LIPE: variants seen among roughly 807,000 people sequenced by gnomAD.
The protein encoded by LIPE is hormone-sensitive lipase.
In LIPE, 66 loss-of-function variants were observed where a neutral mutation model predicts 88.5. The ratio of observed to expected loss-of-function variants is 0.75; its 90% CI spans 0.61 to 0.91. The LOEUF (loss-of-function observed/expected upper bound fraction) is 0.91. LIPE is among the 40% of genes least tolerant of loss of function. The pLI is 0.00. For missense variants in LIPE, 1,346 were observed against 1,434.7 expected, an observed-to-expected ratio of 0.94 and a Z score of 1.00; for synonymous variants, 570 against 617.5, an observed-to-expected ratio of 0.92 and a Z score of 1.14.
At position 42,427,243 on chromosome 19, in the gene LIPE, C is replaced by A; in HGVS notation, c.-94G>T. 6.9e-7 allele frequency: 1 copy of A among 1,457,864 alleles called. No homozygotes were observed. Among genetic ancestry groups the A allele is most frequent in the Admixed American group, 2.8e-5 (1 of 36,360 alleles). 90.3% of individuals were successfully genotyped at this position (1,457,864 alleles called of 1,614,324 possible). On this transcript the variant is annotated 5_prime_UTR_variant, in exon 1 of 10. In the 5' UTR this introduces an upstream ATG that the reference lacks. Coordinates refer to ENST00000244289, the MANE Select transcript of LIPE (RefSeq NM_005357.4). ...CTCTTCACAGATCTCTCATTGATTC[C>A]TCATGATGGCACTTCCTCTTGGGTT...
rs1179032962 is a variant in LIPE, at chr19:42,414,276, AGAAAG to A, written c.884-3439_884-3435del. 1.3e-5 allele frequency among the ~76,000 whole-genome samples: 2 copies of A among 152,150 alleles called. No homozygotes were observed. The highest frequency in any genetic ancestry group is 2.4e-5 in the African/African-American group (1 of 41,440). ...CGATAAAGCGAGACTCTGTCAGAAA[AGAAAG>A]GAAAGAAAGAAAGGAAAGGAAGGAA... On this transcript the variant is annotated intron_variant, in intron 1 of 9. Transcript: ENST00000244289. The surrounding 1 kb of genome is among the most constrained non-coding windows in gnomAD (Gnocchi z 4.6).
In LIPE at chr19:42,426,859, T is replaced by C. The variant is rs1215565496; in HGVS notation, c.291A>G (p.Gln97=). 1 of 1,614,180 alleles carries C rather than the reference T, an allele frequency of 6.2e-7. No homozygotes were observed. Among genetic ancestry groups the C allele is most frequent in the Non-Finnish European group, 8.5e-7 (1 of 1,180,032 alleles). ...FLAPQKPAPQ[Q]SPYIQRVLLT... is the part of the protein sequence containing the mutation. ...GCAGCACCCTTTGGATGTAAGGTGA[T>C]TGCTGTGGTGCGGGCTTCTGTGGGG... is the stretch of plus-strand genomic sequence containing the variant. The change falls in exon 1 of 10, where the codon CAA becomes CAG. Residue 97 remains glutamine, a synonymous_variant. Transcript: ENST00000244289.
chr19:42,425,453 A>C (rs2040690219), intron 1 of LIPE, among the ~76,000 whole-genome samples: 1 of 152,052 alleles, frequency 6.6e-6, no homozygotes, highest in African/African-American at 2.4e-5. Flanking sequence ...CCACTTCCTA[A>C]CTGCATGGCC....
At chr19:42,412,685 C>T (rs1172473929) in intron 1 of LIPE, 1 of 466,562 alleles carries the variant, frequency 2.1e-6, no homozygotes, top group Non-Finnish European at 2.8e-6. Context: ...GCCCCCAGCC[C>T]CTTCATCCTT....
chr19:42,413,985 T>G (rs2040437390), intron 1 of LIPE, among the ~76,000 whole-genome samples: 1 of 152,002 alleles, frequency 6.6e-6, no homozygotes, highest in South Asian at 2.1e-4. Flanking sequence ...GCTGTGAAAA[T>G]GGGACGATGT....
intron 1 of LIPE, among the ~76,000 whole-genome samples, chr19:42,421,756 T>C (rs2040602860): frequency 6.6e-6 from 1 of 152,224 alleles, no homozygotes; most frequent in African/African-American, 2.4e-5. Flanking sequence ...CTAAGGACAC[T>C]AGCCTCATCC....
At position 42,405,976 on chromosome 19, in the gene LIPE, TCACACACA is replaced by T. The variant is rs57282318; in HGVS notation, c.2365+177_2365+184del. On this transcript the variant is annotated intron_variant, in intron 7 of 9. Coordinates refer to ENST00000244289, the MANE Select transcript of LIPE (RefSeq NM_005357.4). Reference sequence around the variant, plus strand: ...GTGTCTGTCTGTCTCTCTCTCTCTCTCACACACACACACACACACACACACACACACAC... The same window carrying T: ...GTGTCTGTCTGTCTCTCTCTCTCTCTCACACACACACACACACACACACAC... 1,173 of 418,314 alleles carry T rather than the reference TCACACACA, an allele frequency of 2.8e-3. 4 individuals are homozygous for T. The highest frequency in any genetic ancestry group is 0.012 in the Middle Eastern group (18 of 1,448). The allele number at this position is 418,314 out of a possible 1,614,324, so 25.9% of individuals were successfully genotyped here.
chr19:42,410,388 G>A lies in LIPE; in HGVS notation c.1338C>T (p.Asp446=), dbSNP rs370746342. Residue 446 remains aspartate (D), a synonymous_variant, in exon 2 of 10, where the codon GAC becomes GAT. Transcript: ENST00000244289. The surrounding 1 kb of genome is among the most constrained non-coding windows in gnomAD (Gnocchi z 6.1). ...GGAGGAAGTCGGCGGTGAGCCCCTC[G>A]TCGCCCTCAAAGAAGAGTACCCCCG... is the stretch of plus-strand genomic sequence containing the variant. ...NRPGVLFFEG[D]EGLTADFLRE... The A allele has an allele frequency of 4.0e-5, 64 of 1,613,962 alleles. No homozygotes were observed. Among genetic ancestry groups the A allele is most frequent in the Non-Finnish European group, 4.8e-5 (57 of 1,179,986 alleles).
chr19:42,409,016 T>G (rs938568645), intron 2 of LIPE, among the ~76,000 whole-genome samples: 1 of 151,580 alleles, frequency 6.6e-6, no homozygotes, highest in African/African-American at 2.4e-5. Flanking sequence ...GTGCCACTGG[T>G]AGGCTGTGAG....
intron 1 of LIPE, chr19:42,424,959 C>T: frequency 1.0e-5 from 3 of 291,180 alleles, no homozygotes; most frequent in East Asian, 9.8e-5. Flanking sequence ...GATGCTGCTC[C>T]CCCAACTTTC....
rs1228219534 is a variant in LIPE, at chr19:42,406,399, A to G, written c.2138-11T>C. ...GTTCCCCTGTTGAGCCTGGTTTGGG[A>G]GAGGGGTGGTTGGTGACAACCTGGC... On this transcript the variant is annotated splice_polypyrimidine_tract_variant and intron_variant, in intron 6 of 9. Transcript: ENST00000244289. This position sits in a 1 kb window ranked among gnomAD's most constrained non-coding sequence, Gnocchi z 5.7. The G allele has an allele frequency of 6.2e-7, 1 of 1,606,878 alleles. No homozygotes were observed. Among genetic ancestry groups the G allele is most frequent in the Non-Finnish European group, 8.5e-7 (1 of 1,173,994 alleles).
chr19:42,410,813 G>A lies in LIPE; in HGVS notation c.913C>T (p.Arg305Cys), dbSNP rs373430897. The stretch of plus-strand genomic sequence containing the variant: ...GTCACCAGCGACTGTGTCATTGTGC[G>A]CAGGTCCATGTTGTGGATGAGCCTT... ...ASRLIHNMDL[R>C]TMTQSLVTLA... is the part of the protein sequence containing the mutation. Residue 305 changes from arginine to cysteine, a missense_variant, in exon 2 of 10, where the codon CGC becomes TGC. Transcript: ENST00000244289. The surrounding 1 kb of genome is among the most constrained non-coding windows in gnomAD (Gnocchi z 6.1). The A allele has an allele frequency of 1.4e-5, 22 of 1,578,286 alleles. 1 individual carries two copies. In the South Asian group the frequency reaches 1.7e-4, roughly 13 times the overall value.
chr19:42,403,624 T>G (rs375176221), intron 8 of LIPE, among the ~76,000 whole-genome samples: 3 of 150,766 alleles, frequency 2.0e-5, no homozygotes, highest in African/African-American at 7.3e-5. Context: ...ATTTTTGTGT[T>G]TTTTTTTTAG....
chr19:42,407,628 G>A lies in LIPE; in HGVS notation c.1820C>T (p.Ser607Phe). ...GPGPVLVRLI[S>F]YDLREGQDSE... is the part of the protein sequence containing the mutation. ...TACCTGTCCTTCACGCAGGTCATAGGAGATGAGCCTGACGAGGACGGGCCC... is the reference window on the plus strand; with the variant it reads ...TACCTGTCCTTCACGCAGGTCATAGAAGATGAGCCTGACGAGGACGGGCCC... Residue 607 changes from serine to phenylalanine, a missense_variant, in exon 5 of 10, where the codon TCC becomes TTC. Transcript: ENST00000244289. The surrounding 1 kb of genome is among the most constrained non-coding windows in gnomAD (Gnocchi z 5.8). The A allele has an allele frequency of 3.1e-6, 5 of 1,611,264 alleles. No individual in the cohort carries two copies. Among genetic ancestry groups the A allele is most frequent in the Non-Finnish European group, 4.2e-6 (5 of 1,178,480 alleles).
At position 42,408,561 on chromosome 19, in the gene LIPE, T is replaced by C. The variant is rs549605339; in HGVS notation, c.1420-239A>G. ...TATCATGACAAGGAATGACGAATGG[T>C]TTGGAAAAAAAAAAAGGCAGTAGGT... On this transcript the variant is annotated intron_variant, in intron 2 of 9. Coordinates refer to ENST00000244289, the MANE Select transcript of LIPE (RefSeq NM_005357.4). This position sits in a 1 kb window ranked among gnomAD's most constrained non-coding sequence, Gnocchi z 4.3. 2.0e-6 allele frequency: 1 copy of C among 511,586 alleles called. No individual in the cohort carries two copies. Among genetic ancestry groups the C allele is most frequent in the East Asian group, 3.4e-5 (1 of 29,524 alleles). The allele number at this position is 511,586 out of a possible 1,614,324, so 31.7% of individuals were successfully genotyped here. A position where few individuals can be genotyped will look rare whatever the true frequency, so the allele number is the denominator to read the frequency against.
intron 1 of LIPE, chr19:42,423,337 G>A: frequency 9.2e-7 from 1 of 1,086,462 alleles, no homozygotes; most frequent in Non-Finnish European, 1.2e-6. Context: ...CCCTGTGGCA[G>A]TGGGCCAGTC....
intron 1 of LIPE, among the ~76,000 whole-genome samples, chr19:42,415,779 C>T (rs1210587049): frequency 1.3e-5 from 2 of 151,132 alleles, no homozygotes; most frequent in Non-Finnish European, 2.9e-5. Context: ...CACTGCACTC[C>T]AGCCTGGGTG....
intron 8 of LIPE, among the ~76,000 whole-genome samples, chr19:42,404,668 T>C (rs1289556644): frequency 6.6e-6 from 1 of 152,218 alleles, no homozygotes; most frequent in Non-Finnish European, 1.5e-5. Flanking sequence ...CCAGCCTTAC[T>C]TGTCTTTATA....
At position 42,410,948 on chromosome 19, in the gene LIPE, G is replaced by C. The variant is rs1167157340; in HGVS notation, c.884-106C>G. ...TTACCCACTCCTCCTTCAAACCTCA[G>C]TGCTGTCTTCTTTCAGTTCCAGGGG... On this transcript the variant is annotated intron_variant, in intron 1 of 9. Coordinates refer to ENST00000244289, the MANE Select transcript of LIPE (RefSeq NM_005357.4). This position sits in a 1 kb window ranked among gnomAD's most constrained non-coding sequence, Gnocchi z 6.1. 42 of 1,120,888 alleles carry C rather than the reference G, an allele frequency of 3.7e-5. No homozygotes were observed. The East Asian group carries it at 1.0e-3, about 27-fold the overall frequency. 69.4% of individuals were successfully genotyped at this position (1,120,888 alleles called of 1,614,324 possible).
Sources: gnomAD v4.1 joint callset for allele counts (sites outside exome capture counted in the v4.1 genomes callset) on GRCh38, gnomAD v4.1.1 for gene constraint, Gnocchi (gnomAD v3.1) non-coding constraint, MANE v1.5 for transcripts, NCBI Gene and HGNC (gene_info 2026-07-23, HGNC 2026-07-21) for gene names.